Variants in GCFC2 observed in about 807,000 individuals in gnomAD.
GCFC2 encodes the protein GC-rich sequence DNA-binding factor 2.
In GCFC2, 102 loss-of-function variants were observed where a neutral mutation model predicts 99.4. That is an observed-to-expected ratio of 1.03 (90% CI 0.87 to 1.21). GCFC2 has a LOEUF of 1.21. Among genes scored for constraint, GCFC2 ranks in the 50% most tolerant of loss-of-function variants. The pLI is 0.00. For missense variants in GCFC2, 973 were observed against 920.9 expected, an observed-to-expected ratio of 1.06 and a Z score of -0.73; for synonymous variants, 338 against 316.8, an observed-to-expected ratio of 1.07 and a Z score of -0.71.
At chr2:75,683,659 A>G (rs1320010994) in intron 11 of GCFC2, among the ~76,000 whole-genome samples, 1 of 152,048 alleles carries the variant, frequency 6.6e-6, no homozygotes, top group African/African-American at 2.4e-5. Context: ...CAAATTGAAT[A>G]AAGTGTCAAG....
At chr2:75,701,868 C>T in intron 3 of GCFC2, 1 of 1,015,112 alleles carries the variant, frequency 9.9e-7, no homozygotes, top group Non-Finnish European at 1.2e-6. Context: ...TCTATAGATG[C>T]TTCCATGTTA....
chr2:75,707,859 T>C (rs1052858323), intron 1 of GCFC2, among the ~76,000 whole-genome samples: 1 of 152,254 alleles, frequency 6.6e-6, no homozygotes, highest in African/African-American at 2.4e-5. Context: ...GTAGCAGTTA[T>C]GGTATTTTTC....
chr2:75,671,084 CTT>C (rs1027116946), intron 14 of GCFC2, among the ~76,000 whole-genome samples: 2 of 152,138 alleles, frequency 1.3e-5, no homozygotes, highest in Non-Finnish European at 2.9e-5. Flanking sequence ...TCTTAATACT[CTT>C]TGGTGGCATT....
chr2:75,700,346 A>G (rs1680530740), intron 4 of GCFC2, among the ~76,000 whole-genome samples: 1 of 152,216 alleles, frequency 6.6e-6, no homozygotes, highest in Non-Finnish European at 1.5e-5. Flanking sequence ...TTTGTGTATA[A>G]TATTTACCAT....
intron 6 of GCFC2, among the ~76,000 whole-genome samples, chr2:75,693,858 A>G (rs1412394560): frequency 1.3e-5 from 2 of 152,168 alleles, no homozygotes; most frequent in Non-Finnish European, 1.5e-5. Context: ...TGTAAAAACA[A>G]AATCCATTTA....
intron 12 of GCFC2, among the ~76,000 whole-genome samples, chr2:75,675,505 G>C (rs184837460): frequency 3.5e-4 from 54 of 152,264 alleles, no homozygotes; most frequent in African/African-American, 1.3e-3. Flanking sequence ...CACTTTGGGA[G>C]GCTGAGGTGG....
chr2:75,671,165 C>T (rs1380174400), intron 14 of GCFC2, among the ~76,000 whole-genome samples: 1 of 152,164 alleles, frequency 6.6e-6, no homozygotes, highest in African/African-American at 2.4e-5. Context: ...TTGTGATCAT[C>T]CTAAGGCTCA....
At chr2:75,698,405 C>G (rs1032053011) in intron 4 of GCFC2, among the ~76,000 whole-genome samples, 1 of 151,992 alleles carries the variant, frequency 6.6e-6, no homozygotes, top group African/African-American at 2.4e-5. Flanking sequence ...TTAAAAAAAT[C>G]AGATTGCAAA....
At chr2:75,711,279 T>G, upstream of GCFC2, 1 of 923,662 alleles carries the variant, frequency 1.1e-6, no homozygotes, top group Non-Finnish European at 1.3e-6. Context: ...CAACCAAGAT[T>G]TAAAACAAAC....
chr2:75,695,069 A>T (rs1573077351), intron 5 of GCFC2, among the ~76,000 whole-genome samples: 1 of 152,222 alleles, frequency 6.6e-6, no homozygotes, highest in African/African-American at 2.4e-5. Context: ...TTATCCAGAT[A>T]AAATAAAATG....
intron 15 of GCFC2, among the ~76,000 whole-genome samples, chr2:75,669,302 C>G (rs978362911): frequency 6.6e-6 from 1 of 152,084 alleles, no homozygotes. Context: ...TACAAAATTT[C>G]AAACACAAAC....
chr2:75,707,646 C>T (rs1005997903), intron 1 of GCFC2, among the ~76,000 whole-genome samples: 2 of 152,142 alleles, frequency 1.3e-5, no homozygotes, highest in Non-Finnish European at 2.9e-5. Context: ...TGGATTAACA[C>T]CAAAGCAGTG....
chr2:75,666,109 T>G (rs2104178147), intron 15 of GCFC2, 56 bp from the exon 16 acceptor site: 1 of 1,379,482 alleles, frequency 7.2e-7, no homozygotes, highest in East Asian at 2.4e-5. Context: ...GAAATCTTGC[T>G]AATATAATCT....
Position 75,710,856 on chromosome 2 carries a change from G to T in GCFC2, c.-1C>A, listed in dbSNP as rs774634087. 1.3e-6 allele frequency: 2 copies of T among 1,548,892 alleles called. No homozygotes were observed. The highest frequency in any genetic ancestry group is 5.1e-5 in the East Asian group (2 of 39,290). Reference sequence around the variant, plus strand: ...AAGTCCTTTTCGGCCTGTGAGCCATGGCCGAGGCCCGAGCGCCCGGCGCCC... The same window carrying T: ...AAGTCCTTTTCGGCCTGTGAGCCATTGCCGAGGCCCGAGCGCCCGGCGCCC... On this transcript the variant is annotated 5_prime_UTR_variant, in exon 1 of 17. Coordinates refer to ENST00000321027, the MANE Select transcript of GCFC2 (RefSeq NM_003203.5).
Position 75,702,074 on chromosome 2 carries a change from C to A in GCFC2, c.619+125G>T. 3 of 1,458,540 alleles carry A rather than the reference C, an allele frequency of 2.1e-6. No individual in the cohort carries two copies. The South Asian group carries it at 4.4e-5, about 21-fold the overall frequency. 90.3% of individuals were successfully genotyped at this position (1,458,540 alleles called of 1,614,324 possible). On this transcript the variant is annotated intron_variant, in intron 3 of 16. Transcript: ENST00000321027. Reference sequence around the variant, plus strand: ...GAGGTCACAATATCATGGACCAAATCGATGTTAAAAACCATTATCAACACT... The same window carrying A: ...GAGGTCACAATATCATGGACCAAATAGATGTTAAAAACCATTATCAACACT...
intron 11 of GCFC2, among the ~76,000 whole-genome samples, chr2:75,680,756 T>C (rs953644907): frequency 6.6e-6 from 1 of 152,202 alleles, no homozygotes; most frequent in East Asian, 1.9e-4. Context: ...TAGATGATTA[T>C]TTCCTACTTT....
intron 1 of GCFC2, among the ~76,000 whole-genome samples, chr2:75,710,261 T>C (rs7573105): frequency 0.86 from 130,814 of 152,212 alleles, 56,677 homozygotes; most frequent in African/African-American, 0.96. Flanking sequence ...TTATTGAACT[T>C]TGTTGTGACA....
chr2:75,701,967 A>T (rs1474094017), intron 3 of GCFC2: 10 of 1,295,196 alleles, frequency 7.7e-6, no homozygotes, highest in Non-Finnish European at 9.8e-6. Flanking sequence ...GTCCAAAAAC[A>T]TCAAGGTGGG....
In GCFC2 at chr2:75,682,136, T is replaced by C. The variant is rs182635261; in HGVS notation, c.1691-1822A>G. Among the ~76,000 whole-genome samples the C allele has an allele frequency of 1.5e-3, 234 of 151,984 alleles. 6 individuals are homozygous for C. The highest frequency in any genetic ancestry group is 5.3e-3 in the African/African-American group (219 of 41,258). ...TCCTCAAGTGGGTCCCTGACCCCTG[T>C]GTATCCTGTCTGGGAGACACCTCCC... On this transcript the variant is annotated intron_variant, in intron 11 of 16. Transcript: ENST00000321027.
Sources: allele counts gnomAD v4.1 joint callset (sites outside exome capture counted in the v4.1 genomes callset), GRCh38; gene constraint gnomAD v4.1.1; transcripts MANE v1.5; gene names NCBI Gene and HGNC (gene_info 2026-07-23, HGNC 2026-07-21).